The following DAB1 variants were observed in gnomAD, a reference collection of about 807,000 sequenced individuals.
DAB1 encodes the protein DAB adaptor protein 1.
A neutral mutation model predicts 64.6 loss-of-function variants in DAB1; 15 were observed. The ratio of observed to expected loss-of-function variants is 0.23; its 90% CI spans 0.16 to 0.36. The LOEUF is 0.36. DAB1 is among the 10% of genes least tolerant of loss of function. DAB1 has a pLI of 1.00. For missense variants in DAB1, 596 were observed against 706.7 expected (o/e 0.84, Z 1.78); for synonymous variants, 235 against 251.9 (o/e 0.93, Z 0.64).
At chr1:57,636,481 G>T (rs1483949795) in intron 7 of DAB1, among the ~76,000 whole-genome samples, 2 of 152,182 alleles carry the variant, frequency 1.3e-5, no homozygotes, top group Non-Finnish European at 2.9e-5. Flanking sequence ...TAAAATATGG[G>T]CACAAAGTTG....
intron 3 of DAB1, among the ~76,000 whole-genome samples, chr1:58,495,667 C>T (rs1645787817): frequency 6.6e-6 from 1 of 151,554 alleles, no homozygotes; most frequent in African/African-American, 2.4e-5. Flanking sequence ...GACATATTGT[C>T]CTATGTGTTT....
chr1:58,296,197 GAA>G (rs1158841315), intron 4 of DAB1, among the ~76,000 whole-genome samples: 3 of 43,626 alleles, frequency 6.9e-5, no homozygotes, highest in African/African-American at 3.4e-4. Context: ...GAAAGAAAGA[GAA>G]AGAAAGAAAG....
chr1:57,974,936 T>C (rs1645884697), intron 5 of DAB1, among the ~76,000 whole-genome samples: 1 of 152,134 alleles, frequency 6.6e-6, no homozygotes, highest in South Asian at 2.1e-4. Context: ...GTGTATAGCT[T>C]GGAGATACAA....
chr1:57,933,193 ATTCAGGAT>A (rs1355043769), intron 5 of DAB1, among the ~76,000 whole-genome samples: 1 of 152,182 alleles, frequency 6.6e-6, no homozygotes, highest in African/African-American at 2.4e-5. Context: ...ATCAATTACA[ATTCAGGAT>A]TTCCTATGCT....
At chr1:58,085,361 G>A (rs1400146533) in intron 5 of DAB1, among the ~76,000 whole-genome samples, 2 of 152,104 alleles carry the variant, frequency 1.3e-5, no homozygotes, top group African/African-American at 2.4e-5. Context: ...AAAACATTAT[G>A]TATAACTTTA....
chr1:58,023,575 C>T (rs1186157726), intron 5 of DAB1, among the ~76,000 whole-genome samples: 1 of 152,134 alleles, frequency 6.6e-6, no homozygotes, highest in African/African-American at 2.4e-5. Flanking sequence ...TTTGTCTCTG[C>T]AAGTCTAGTT....
At chr1:58,263,548 G>A (rs1661096265) in intron 4 of DAB1, among the ~76,000 whole-genome samples, 1 of 152,112 alleles carries the variant, frequency 6.6e-6, no homozygotes. Context: ...CAATCTCTAT[G>A]GCATGTTGCT....
chr1:58,180,406 T>C (rs1291957433), intron 4 of DAB1, among the ~76,000 whole-genome samples: 2 of 144,124 alleles, frequency 1.4e-5, no homozygotes, highest in South Asian at 2.3e-4. Context: ...GATCCTCTAA[T>C]ATTAGCCACC....
chr1:57,412,270 T>C (rs919953596), intron 1 of DAB1, among the ~76,000 whole-genome samples: 1 of 152,188 alleles, frequency 6.6e-6, no homozygotes, highest in Non-Finnish European at 1.5e-5. Flanking sequence ...AATATTGAAA[T>C]AGGCCAATTA....
chr1:57,140,253 G>A (rs1658473634), intron 3 of DAB1, among the ~76,000 whole-genome samples: 1 of 152,088 alleles, frequency 6.6e-6, no homozygotes, highest in Admixed American at 6.5e-5. Context: ...ACATTTCCTT[G>A]GGTGCCTATG....
intron 7 of DAB1, among the ~76,000 whole-genome samples, chr1:57,561,021 C>A (rs1350289152): frequency 6.6e-6 from 1 of 152,164 alleles, no homozygotes; most frequent in Non-Finnish European, 1.5e-5. Flanking sequence ...AGCATTCCAT[C>A]ATCAAATGGA....
chr1:57,038,841 T>C (rs1418598582), intron 9 of DAB1, among the ~76,000 whole-genome samples: 1 of 152,190 alleles, frequency 6.6e-6, no homozygotes, highest in East Asian at 1.9e-4. Flanking sequence ...ATGGGGAATG[T>C]TGGTGCAAGG....
intron 7 of DAB1, among the ~76,000 whole-genome samples, chr1:57,432,992 G>C (rs565056470): frequency 3.4e-4 from 51 of 152,172 alleles, no homozygotes; most frequent in African/African-American, 1.2e-3. Flanking sequence ...TAATAACACA[G>C]AAATACATTG....
chr1:57,070,204 A>C (rs1384764859), intron 7 of DAB1, among the ~76,000 whole-genome samples: 1 of 152,208 alleles, frequency 6.6e-6, no homozygotes, highest in Non-Finnish European at 1.5e-5. Context: ...ATTTATATAA[A>C]ATACATATGT....
At chr1:57,508,494 T>C (rs1307023074) in intron 7 of DAB1, among the ~76,000 whole-genome samples, 1 of 152,236 alleles carries the variant, frequency 6.6e-6, no homozygotes, top group African/African-American at 2.4e-5. Context: ...TTCTTCCTTG[T>C]CCTTTATCCC....
chr1:58,000,561 T>G (rs1049994825), intron 5 of DAB1, among the ~76,000 whole-genome samples: 3 of 148,544 alleles, frequency 2.0e-5, no homozygotes, highest in Admixed American at 6.8e-5. Flanking sequence ...TCCTCTTTTT[T>G]GCCTTTTTTT....
In DAB1 at chr1:57,290,071, G is replaced by A. The variant is rs537427130; in HGVS notation, c.67+893C>T. Among the ~76,000 whole-genome samples, 56 of 152,284 alleles carry A rather than the reference G, an allele frequency of 3.7e-4. 1 individual carries two copies. Among genetic ancestry groups the A allele is most frequent in the Admixed American group, 2.6e-4 (4 of 15,304 alleles). On this transcript the variant is annotated intron_variant, in intron 2 of 14. Coordinates refer to ENST00000371236, the MANE Select transcript of DAB1 (RefSeq NM_001365792.1). ...AAGTGCTGAGACTTAAAATGTGAAC[G>A]AAACATCTAGCTCCAAAGGAGTTTA... is the stretch of plus-strand genomic sequence containing the variant.
chr1:58,321,434 G>A (rs57129916), intron 4 of DAB1, among the ~76,000 whole-genome samples: 6,208 of 152,304 alleles, frequency 0.041, 440 homozygotes, highest in African/African-American at 0.14. Flanking sequence ...AGCCCACGGA[G>A]GGCAAGCCGA....
chr1:58,154,149 GGC>G (rs1655093341), intron 4 of DAB1, among the ~76,000 whole-genome samples: 1 of 151,746 alleles, frequency 6.6e-6, no homozygotes, highest in Non-Finnish European at 1.5e-5. Flanking sequence ...ATCCTTCAAG[GGC>G]TTTCCTTTGA....
Sources: allele counts gnomAD v4.1 joint callset (sites outside exome capture counted in the v4.1 genomes callset), GRCh38; gene constraint gnomAD v4.1.1; transcripts MANE v1.5; gene names NCBI Gene and HGNC (gene_info 2026-07-23, HGNC 2026-07-21).